The following IPO5 variants were observed in gnomAD, a reference collection of about 807,000 sequenced individuals.
IPO5 encodes importin 5.
A neutral mutation model predicts 143.3 loss-of-function variants in IPO5; 18 were observed. That is an observed-to-expected ratio of 0.13 (90% CI 0.09 to 0.19). The LOEUF is 0.19. IPO5 is among the 10% of genes least tolerant of loss of function. The probability of loss-of-function intolerance (pLI) is 1.00; values close to 1 mark genes in which losing one functional copy is unlikely to be tolerated. For synonymous variants in IPO5, 477 were observed against 465.7 expected, an observed-to-expected ratio of 1.02 and a Z score of -0.31; for missense variants, 1,013 against 1,336.9, an observed-to-expected ratio of 0.76 and a Z score of 3.78.
intron 2 of IPO5, among the ~76,000 whole-genome samples, chr13:97,965,861 G>A (rs1007080136): frequency 2.6e-5 from 4 of 151,834 alleles, no homozygotes; most frequent in Admixed American, 1.3e-4. Context: ...TTTCCAGGCC[G>A]GGCACGGTGG....
chr13:98,010,027 G>T lies in IPO5; in HGVS notation c.1933+14G>T. On this transcript the variant is annotated intron_variant, in intron 19 of 28. Transcript: ENST00000651721. ...CCCTTTTAGATAGTAGGTGTCTTTA[G>T]AAGGAGCTATCGGTTATAATAGTTC... The T allele has an allele frequency of 6.2e-7, 1 of 1,613,892 alleles. No individual in the cohort carries two copies. Among genetic ancestry groups the T allele is most frequent in the Non-Finnish European group, 8.5e-7 (1 of 1,179,942 alleles).
At chr13:97,973,759 C>T (rs1030611117) in intron 3 of IPO5, among the ~76,000 whole-genome samples, 10 of 152,242 alleles carry the variant, frequency 6.6e-5, no homozygotes, top group Non-Finnish European at 1.3e-4. Flanking sequence ...CTTAGGTTTA[C>T]GCTTTGCCTC....
chr13:97,982,359 TGTATTTCATGTCACAGAAG>T (rs1297641096), intron 4 of IPO5, 125 bp from the exon 5 acceptor site: 2 of 603,964 alleles, frequency 3.3e-6, no homozygotes, highest in African/African-American at 3.7e-5. Context: ...ATATCTGAAG[TGTATTTCATGTCACAGAAG>T]GTGTTAACAC....
At position 98,006,355 on chromosome 13, in the gene IPO5, A is replaced by ATTTT. The variant is rs755962098; in HGVS notation, c.1716+7_1716+8insTTTT. On this transcript the variant is annotated splice_region_variant and intron_variant, in intron 17 of 28. Transcript: ENST00000651721. Reference sequence around the variant, plus strand: ...GGCTGTTGGGAAGGAAAAAGTAAGTAATTTTTTTTTTTTTTTTTTTTTTTT... The same window carrying ATTTT: ...GGCTGTTGGGAAGGAAAAAGTAAGTATTTTATTTTTTTTTTTTTTTTTTTTTTTT... 2.8e-6 allele frequency: 2 copies of ATTTT among 705,434 alleles called. No homozygotes were observed. The highest frequency in any genetic ancestry group is 4.2e-5 in the African/African-American group (1 of 24,046). The allele number at this position is 705,434 out of a possible 1,614,324, so 43.7% of individuals were successfully genotyped here.
chr13:97,994,496 G>C (rs993669683), intron 11 of IPO5, among the ~76,000 whole-genome samples: 14 of 152,268 alleles, frequency 9.2e-5, no homozygotes, highest in African/African-American at 3.4e-4. Context: ...TTATAGGCAT[G>C]AGTTATAGTA....
chr13:98,004,997 G>A (rs1046164106), intron 16 of IPO5, among the ~76,000 whole-genome samples: 18 of 152,074 alleles, frequency 1.2e-4, no homozygotes, highest in African/African-American at 4.3e-4. Flanking sequence ...CCGGGTTCAA[G>A]CCATTCTCCT....
chr13:98,007,646 A>G (rs9513335), intron 17 of IPO5: 7,207 of 156,674 alleles, frequency 0.046, 470 homozygotes, highest in East Asian at 0.33. Context: ...CTGGCTTTCA[A>G]TGTCTCTTTA....
At position 97,993,209 on chromosome 13, in the gene IPO5, T is replaced by C. The variant is rs1487081958; in HGVS notation, c.897T>C (p.Asn299=). The C allele has an allele frequency of 1.2e-6, 2 of 1,613,812 alleles. No homozygotes were observed. The highest frequency in any genetic ancestry group is 8.5e-7 in the Non-Finnish European group (1 of 1,179,898). ...TAAAMLRKHT[N]IVAQTIPQML... ...CTGCTATGTTAAGAAAACATACCAA[T>C]ATTGTTGCACAGACTAGTAAGTCAA... The change falls in exon 11 of 29, where the codon AAT becomes AAC. Residue 299 remains asparagine, a synonymous_variant. Coordinates refer to ENST00000651721, the MANE Select transcript of IPO5 (RefSeq NM_002271.6).
chr13:97,989,801 G>C (rs1368937750), intron 7 of IPO5, among the ~76,000 whole-genome samples: 1 of 152,148 alleles, frequency 6.6e-6, no homozygotes, highest in African/African-American at 2.4e-5. Flanking sequence ...AGTTCTTGTA[G>C]TTTTCATCTG....
rs187418088 is a variant in IPO5 at position 98,005,020 on chromosome 13, C to G, written c.1498-1110C>G. 2.8e-3 allele frequency among the ~76,000 whole-genome samples: 421 copies of G among 152,072 alleles called. 16 individuals are homozygous for G. The East Asian group carries it at 0.074, about 27-fold the overall frequency. ...AAGCCATTCTCCTGCCTCAGCCTGCCGAGTAGCTGGGATTACAGACGTGCA... is the reference window on the plus strand; with the variant it reads ...AAGCCATTCTCCTGCCTCAGCCTGCGGAGTAGCTGGGATTACAGACGTGCA... On this transcript the variant is annotated intron_variant, in intron 16 of 28. Transcript: ENST00000651721.
At chr13:97,954,672 T>G (rs1322581346) in intron 2 of IPO5, among the ~76,000 whole-genome samples, 2 of 152,216 alleles carry the variant, frequency 1.3e-5, no homozygotes, top group African/African-American at 4.8e-5. Flanking sequence ...CTTCTTCTCC[T>G]AGAACTTAAT....
intron 18 of IPO5, 119 bp downstream of exon 18, chr13:98,008,261 CAG>C (rs1180271319): frequency 1.7e-6 from 1 of 600,766 alleles, no homozygotes; most frequent in Non-Finnish European, 3.0e-6. Context: ...CCCCTGCTAG[CAG>C]AGACATTCTT....
intron 3 of IPO5, chr13:97,976,330 C>G (rs1188845676): frequency 1.3e-5 from 2 of 152,020 alleles, no homozygotes; most frequent in Non-Finnish European, 2.9e-5. Context: ...CCTGGCCCGG[C>G]TGCGAAGCCG....
At chr13:98,001,171 G>A (rs183966913) in intron 13 of IPO5, among the ~76,000 whole-genome samples, 5 of 152,134 alleles carry the variant, frequency 3.3e-5, no homozygotes, top group East Asian at 3.9e-4. Flanking sequence ...ACCACACCTG[G>A]CCATCCTTCC....
intron 26 of IPO5, among the ~76,000 whole-genome samples, 196 bp from the exon 27 acceptor site, chr13:98,019,384 CT>C (rs1890331926): frequency 6.6e-6 from 1 of 152,200 alleles, no homozygotes; most frequent in African/African-American, 2.4e-5. Context: ...TAGTAGAGGG[CT>C]AGTGCTCCTG....
rs1890522779 is a variant in IPO5, at chr13:98,021,911, G to A, written c.*89G>A. 7.0e-6 allele frequency: 6 copies of A among 853,142 alleles called. No homozygotes were observed. Among genetic ancestry groups the A allele is most frequent in the Admixed American group, 2.2e-5 (1 of 45,484 alleles). 52.8% of individuals were successfully genotyped at this position (853,142 alleles called of 1,614,324 possible). On this transcript the variant is annotated 3_prime_UTR_variant, in exon 29 of 29. Coordinates refer to ENST00000651721, the MANE Select transcript of IPO5 (RefSeq NM_002271.6). ...TTCTTTGTTTTGTTTTTGAGCAAAA[G>A]AGATCGGTAGTGTTGTGTGTAGGCC... is the stretch of plus-strand genomic sequence containing the variant.
chr13:98,021,070 C>T lies in IPO5; in HGVS notation c.3144C>T (p.His1048=), dbSNP rs778841438. 13 of 1,611,356 alleles carry T rather than the reference C, an allele frequency of 8.1e-6. No individual in the cohort carries two copies. The highest frequency in any genetic ancestry group is 7.7e-5 in the South Asian group (7 of 90,588). ...IFSIIAEGEM[H]EAIKHEDPCA... ...GTATAATTGCGGAAGGAGAAATGCA[C>T]GAGGCAATTAAACATGAAGATCCTT... Residue 1048 remains histidine, a synonymous_variant, in exon 28 of 29, where the codon CAC becomes CAT. Transcript: ENST00000651721.
At chr13:98,001,372 G>C (rs886404261) in intron 13 of IPO5, among the ~76,000 whole-genome samples, 3 of 152,168 alleles carry the variant, frequency 2.0e-5, no homozygotes, top group African/African-American at 7.2e-5. Flanking sequence ...ATCTCGCTCT[G>C]TTGCCCAGGG....
intron 27 of IPO5, among the ~76,000 whole-genome samples, chr13:98,020,535 G>A (rs556431497): frequency 5.3e-5 from 8 of 152,240 alleles, no homozygotes; most frequent in South Asian, 2.1e-4. Context: ...CCTTGGAAAC[G>A]ACTACTCTGA....
Sources: allele counts gnomAD v4.1 joint callset (sites outside exome capture counted in the v4.1 genomes callset), GRCh38; gene constraint gnomAD v4.1.1; transcripts MANE v1.5; gene names NCBI Gene and HGNC (gene_info 2026-07-23, HGNC 2026-07-21).